ZNF772: variants seen among roughly 807,000 people sequenced by gnomAD.
ZNF772 encodes zinc finger protein 772.
Under a neutral mutation model 11.0 loss-of-function variants are expected in ZNF772, and 8 were observed. The observed-to-expected ratio is 0.73, with a 90% confidence interval of 0.43 to 1.31. ZNF772 has a LOEUF of 1.31. Among genes scored for constraint, ZNF772 ranks in the 50% most tolerant of loss-of-function variants. ZNF772 has a pLI of 0.01. For synonymous variants in ZNF772, 155 were observed against 180.4 expected (o/e 0.86, Z 1.13); for missense variants, 496 against 552.3 (o/e 0.90, Z 1.02).
At position 57,473,963 on chromosome 19, in the gene ZNF772, A is replaced by G; in HGVS notation, c.658T>C (p.Cys220Arg). 1 of 1,614,194 alleles carries G rather than the reference A, an allele frequency of 6.2e-7. No individual in the cohort carries two copies. The highest frequency in any genetic ancestry group is 2.2e-5 in the East Asian group (1 of 44,886). Residue 220 changes from cysteine to arginine, a missense_variant, in exon 4 of 4, where the codon TGT becomes CGT. Physicochemically the swap from Cys to Arg is radical, Grantham distance 180. Transcript: ENST00000356584. Reference sequence around the variant, plus strand: ...CTGCATTTGTAATGCCTTTTTCCACAGTGAGAGGCCTCCTCACACTTGGTG... The same window carrying G: ...CTGCATTTGTAATGCCTTTTTCCACGGTGAGAGGCCTCCTCACACTTGGTG... The part of the protein sequence containing the change: ...SNTKCEEASH[C>R]GKRHYKCSEC...
chr19:57,475,098 C>G lies in ZNF772; in HGVS notation c.199+562G>C. On this transcript the variant is annotated intron_variant, in intron 3 of 3. Coordinates refer to ENST00000356584, the MANE Select transcript of ZNF772 (RefSeq NM_001144068.2). This position sits in a 1 kb window ranked among gnomAD's most constrained non-coding sequence, Gnocchi z 4.2. ...CACCCAGTCAGGTACCCAGGGCTCA[C>G]TACCCATCACCAGTGAGGCAACTAT... is the stretch of plus-strand genomic sequence containing the variant. 6.2e-7 allele frequency: 1 copy of G among 1,614,242 alleles called. No homozygotes were observed. Among genetic ancestry groups the G allele is most frequent in the South Asian group, 1.1e-5 (1 of 91,082 alleles).
rs1178003130 is a variant in ZNF772 at position 57,473,637 on chromosome 19, C to T, written c.984G>A (p.Glu328=). Reference sequence around the variant, plus strand: ...ATGGCCTTTCTCCAGTATGGATACTCTCATGCTGAACAAGTGTAGATTTGT... The same window carrying T: ...ATGGCCTTTCTCCAGTATGGATACTTTCATGCTGAACAAGTGTAGATTTGT... ...YSHKSTLVQH[E]SIHTGERPYE... Residue 328 remains glutamate (E), a synonymous_variant, in exon 4 of 4, where the codon GAG becomes GAA. Transcript: ENST00000356584. The T allele has an allele frequency of 6.2e-7, 1 of 1,614,004 alleles. No homozygotes were observed. Among genetic ancestry groups the T allele is most frequent in the Non-Finnish European group, 8.5e-7 (1 of 1,179,994 alleles).
In ZNF772 at chr19:57,473,228, G is replaced by A; in HGVS notation, c.*46C>T. ...AAGGCTATGCTTGGAGCTTCTCTCT[G>A]ATGTCAGTTATTATGTTGAACAAGG... is the stretch of plus-strand genomic sequence containing the variant. On this transcript the variant is annotated 3_prime_UTR_variant, in exon 4 of 4. Transcript: ENST00000356584. 1 of 1,552,488 alleles carries A rather than the reference G, an allele frequency of 6.4e-7. No homozygotes were observed. The highest frequency in any genetic ancestry group is 8.8e-7 in the Non-Finnish European group (1 of 1,141,944).
At position 57,477,284 on chromosome 19, in the gene ZNF772, G is replaced by C. The variant is rs930473590; in HGVS notation, c.26C>G (p.Pro9Arg). 6.2e-7 allele frequency: 1 copy of C among 1,605,444 alleles called. No individual in the cohort carries two copies. Among genetic ancestry groups the C allele is most frequent in the South Asian group, 1.1e-5 (1 of 90,448 alleles). Residue 9 changes from proline (P) to arginine (R), a missense_variant, in exon 1 of 4, where the codon CCG (proline) becomes CGG (arginine). By Grantham distance (103) the Pro-to-Arg change is moderately radical. Transcript: ENST00000356584. MAAAEPMG[P>R]AQVPMNSEVI... is the part of the protein sequence containing the mutation. ...CGCAGACGCAGCACCCACCTGTGCC[G>C]GGCCCATCGGCTCAGCCGCCGCCAT...
At position 57,473,058 on chromosome 19, in the gene ZNF772, C is replaced by A. The variant is rs10407042; in HGVS notation, c.*216G>T. On this transcript the variant is annotated 3_prime_UTR_variant, in exon 4 of 4. Coordinates refer to ENST00000356584, the MANE Select transcript of ZNF772 (RefSeq NM_001144068.2). ...ACAAAGACAGATGGCTTCTAACAGG[C>A]ACTGCCTTGACGAAATTCCAGCAAG... 0.33 allele frequency: 188,965 copies of A among 573,824 alleles called. 34,085 individuals carry two copies. The highest frequency in any genetic ancestry group is 0.62 in the East Asian group (21,958 of 35,258). The allele number at this position is 573,824 out of a possible 1,614,324, so 35.5% of individuals were successfully genotyped here.
chr19:57,474,943 A>G, intron 3 of ZNF772: 1 of 1,590,870 alleles, frequency 6.3e-7, no homozygotes, highest in Non-Finnish European at 8.6e-7. Context: ...CCTTAGCACT[A>G]ATACAACTGT....
Position 57,475,127 on chromosome 19 carries a change from G to T in ZNF772, c.199+533C>A. On this transcript the variant is annotated intron_variant, in intron 3 of 3. Coordinates refer to ENST00000356584, the MANE Select transcript of ZNF772 (RefSeq NM_001144068.2). The surrounding 1 kb of genome is among the most constrained non-coding windows in gnomAD (Gnocchi z 4.2). ...CCATCACCAGTGAGGCAACTATGTG[G>T]GACATGAAAGATGTATGTCCTAAGG... is the stretch of plus-strand genomic sequence containing the variant. The T allele has an allele frequency of 6.2e-7, 1 of 1,614,174 alleles. No individual in the cohort carries two copies. Among genetic ancestry groups the T allele is most frequent in the Non-Finnish European group, 8.5e-7 (1 of 1,180,040 alleles).
At chr19:57,476,597 G>T (rs1376690140) in intron 2 of ZNF772, 37 bp downstream of exon 2, 2 of 1,609,148 alleles carry the variant, frequency 1.2e-6, no homozygotes, top group Non-Finnish European at 8.5e-7. Flanking sequence ...ATTGGGTGGG[G>T]GTGGGATCGG....
Position 57,473,007 on chromosome 19 carries a change from T to G in ZNF772, c.*267A>C, listed in dbSNP as rs2089233058. ...TCTTTTGAAACACATTGGGGTTACT[T>G]TGGCACAAGGCAGGACTCTTCCAGC... On this transcript the variant is annotated 3_prime_UTR_variant, in exon 4 of 4. Transcript: ENST00000356584. The G allele has an allele frequency of 1.0e-5, 5 of 490,578 alleles. No homozygotes were observed. The highest frequency in any genetic ancestry group is 1.8e-5 in the Non-Finnish European group (5 of 276,744). 30.4% of individuals were successfully genotyped at this position (490,578 alleles called of 1,614,324 possible).
chr19:57,475,806 C>A lies in ZNF772; in HGVS notation c.73-20G>T. On this transcript the variant is annotated intron_variant, in intron 2 of 3. Coordinates refer to ENST00000356584, the MANE Select transcript of ZNF772 (RefSeq NM_001144068.2). The surrounding 1 kb of genome is among the most constrained non-coding windows in gnomAD (Gnocchi z 4.2). Reference sequence around the variant, plus strand: ...CTGCCCCTGCCACAATCAGGAGAGCCAAGTCCATGAGCAGCATCTCTCCCA... The same window carrying A: ...CTGCCCCTGCCACAATCAGGAGAGCAAAGTCCATGAGCAGCATCTCTCCCA... 2 of 1,583,864 alleles carry A rather than the reference C, an allele frequency of 1.3e-6. No homozygotes were observed. The highest frequency in any genetic ancestry group is 1.8e-5 in the Admixed American group (1 of 56,694).
At position 57,474,153 on chromosome 19, in the gene ZNF772, C is replaced by G. The variant is rs747518027; in HGVS notation, c.468G>C (p.Glu156Asp). 6 of 1,614,208 alleles carry G rather than the reference C, an allele frequency of 3.7e-6. No individual in the cohort carries two copies. The highest frequency in any genetic ancestry group is 5.1e-6 in the Non-Finnish European group (6 of 1,180,018). ...LHQHQKQHSG[E>D]KPFRSDKSRP... ...TGCTCTTATCACTTCTAAAGGGTTTCTCTCCACTGTGCTGCTTCTGGTGCT... is the reference window on the plus strand; with the variant it reads ...TGCTCTTATCACTTCTAAAGGGTTTGTCTCCACTGTGCTGCTTCTGGTGCT... The change falls in exon 4 of 4, where the codon GAG becomes GAC. Residue 156 changes from glutamate to aspartate, a missense_variant. By Grantham distance (45) the Glu-to-Asp change is conservative. Coordinates refer to ENST00000356584, the MANE Select transcript of ZNF772 (RefSeq NM_001144068.2).
Position 57,473,577 on chromosome 19 carries a change from G to C in ZNF772, c.1044C>G (p.His348Gln). The C allele has an allele frequency of 1.2e-6, 2 of 1,612,722 alleles. No homozygotes were observed. The highest frequency in any genetic ancestry group is 1.7e-6 in the Non-Finnish European group (2 of 1,179,152). ...ECSECGKYFG[H>Q]KYRLIKHWSV... Reference sequence around the variant, plus strand: ...TCCAATGTTTAATGAGTCTGTATTTGTGACCAAAGTATTTTCCACATTCGC... The same window carrying C: ...TCCAATGTTTAATGAGTCTGTATTTCTGACCAAAGTATTTTCCACATTCGC... Residue 348 changes from histidine to glutamine, a missense_variant, in exon 4 of 4, where the codon CAC becomes CAG. His to Gln is a conservative substitution (Grantham distance 24). Coordinates refer to ENST00000356584, the MANE Select transcript of ZNF772 (RefSeq NM_001144068.2).
Position 57,477,351 on chromosome 19 carries a change from C to T in ZNF772, c.-42G>A, listed in dbSNP as rs754946669. Reference sequence around the variant, plus strand: ...GGAAGGGTGGCGACAAGTGCAGGAACCTGGGATCAGCTGTCCAGGGCCCAG... The same window carrying T: ...GGAAGGGTGGCGACAAGTGCAGGAATCTGGGATCAGCTGTCCAGGGCCCAG... On this transcript the variant is annotated 5_prime_UTR_variant, in exon 1 of 4. Transcript: ENST00000356584. 6.8e-6 allele frequency: 11 copies of T among 1,611,832 alleles called. No homozygotes were observed. Among genetic ancestry groups the T allele is most frequent in the South Asian group, 1.1e-5 (1 of 90,580 alleles).
rs970522422 is a variant in ZNF772, at chr19:57,473,014, A to G, written c.*260T>C. On this transcript the variant is annotated 3_prime_UTR_variant, in exon 4 of 4. Transcript: ENST00000356584. ...AAACACATTGGGGTTACTTTGGCAC[A>G]AGGCAGGACTCTTCCAGCACAAAGA... 1 of 502,518 alleles carries G rather than the reference A, an allele frequency of 2.0e-6. No homozygotes were observed. The highest frequency in any genetic ancestry group is 1.9e-5 in the African/African-American group (1 of 52,546). 31.1% of individuals were successfully genotyped at this position (502,518 alleles called of 1,614,324 possible). A position where few individuals can be genotyped will look rare whatever the true frequency, so the allele number is the denominator to read the frequency against.
In ZNF772 at chr19:57,473,512, CATGCG is replaced by C; in HGVS notation, c.1104_1108del (p.Ile368MetfsTer6). On this transcript the variant is annotated frameshift_variant, in exon 4 of 4. Coordinates refer to ENST00000356584, the MANE Select transcript of ZNF772 (RefSeq NM_001144068.2). LOFTEE classifies it low-confidence loss of function (END_TRUNC). ...AGAGCTTTGGCTAAAGAACTTCCCA[CATGCG>C]ATGCACTCATAAGGCCTTGCTCCAG... The C allele has an allele frequency of 1.9e-6, 3 of 1,614,226 alleles. No homozygotes were observed. In the Middle Eastern group the frequency reaches 4.9e-4, roughly 266 times the overall value.
At chr19:57,474,668 C>A (rs981671600) in intron 3 of ZNF772, among the ~76,000 whole-genome samples, 1 of 152,218 alleles carries the variant, frequency 6.6e-6, no homozygotes, top group African/African-American at 2.4e-5. Flanking sequence ...AGGCAGGTCT[C>A]AAAGTCATTC....
At chr19:57,476,478 G>T (rs1170994423) in intron 2 of ZNF772, 156 bp downstream of exon 2, 4 of 838,836 alleles carry the variant, frequency 4.8e-6, no homozygotes, top group African/African-American at 1.7e-5. Context: ...TAAAACCCCT[G>T]GCCCGGAGTC....
At position 57,475,973 on chromosome 19, in the gene ZNF772, G is replaced by A. The variant is rs2089279492; in HGVS notation, c.73-187C>T. ...CAATGGATCACTGTGTCTACCCATA[G>A]CAACCACAGGCAGGTGAAGAAGTTG... On this transcript the variant is annotated intron_variant, in intron 2 of 3. Transcript: ENST00000356584. This position sits in a 1 kb window ranked among gnomAD's most constrained non-coding sequence, Gnocchi z 4.2. Among the ~76,000 whole-genome samples, 1 of 152,142 alleles carries A rather than the reference G, an allele frequency of 6.6e-6. No individual in the cohort carries two copies. The highest frequency in any genetic ancestry group is 6.5e-5 in the Admixed American group (1 of 15,272).
rs750548033 is a variant in ZNF772, at chr19:57,474,148, G to T, written c.473C>A (p.Pro158His). 2 of 1,614,206 alleles carry T rather than the reference G, an allele frequency of 1.2e-6. No homozygotes were observed. Among genetic ancestry groups the T allele is most frequent in the South Asian group, 2.2e-5 (2 of 91,086 alleles). ...GGGCCTGCTCTTATCACTTCTAAAG[G>T]GTTTCTCTCCACTGTGCTGCTTCTG... ...QHQKQHSGEK[P>H]FRSDKSRPFL... Residue 158 changes from proline to histidine, a missense_variant, in exon 4 of 4, where the codon CCC becomes CAC. Transcript: ENST00000356584.
Sources: gnomAD v4.1 joint callset for allele counts (sites outside exome capture counted in the v4.1 genomes callset) on GRCh38, gnomAD v4.1.1 for gene constraint, Gnocchi (gnomAD v3.1) non-coding constraint, MANE v1.5 for transcripts, NCBI Gene and HGNC (gene_info 2026-07-23, HGNC 2026-07-21) for gene names.